The following BTN2A1 variants were observed in gnomAD, a reference collection of about 807,000 sequenced individuals.
BTN2A1 encodes the protein butyrophilin, subfamily 2, member A1.
In BTN2A1, 41 loss-of-function variants were observed where a neutral mutation model predicts 34.5. The ratio of observed to expected loss-of-function variants is 1.19; its 90% CI spans 0.93 to 1.54. BTN2A1 has a LOEUF of 1.54. BTN2A1 is among the 40% of genes most tolerant of loss of function. The probability of loss-of-function intolerance (pLI) is 0.00; values close to 1 mark genes in which losing one functional copy is unlikely to be tolerated. For missense variants in BTN2A1, 642 were observed against 662.0 expected, an observed-to-expected ratio of 0.97 and a Z score of 0.33; for synonymous variants, 267 against 258.6, an observed-to-expected ratio of 1.03 and a Z score of -0.31.
rs1437477696 is a variant in BTN2A1, at chr6:26,468,153, T to G, written c.1188T>G (p.Ile396Met). 1.2e-5 allele frequency: 19 copies of G among 1,614,026 alleles called. No individual in the cohort carries two copies. Among genetic ancestry groups the G allele is most frequent in the Non-Finnish European group, 1.4e-5 (16 of 1,180,032 alleles). The change falls in exon 8 of 8, where the codon ATT (isoleucine) becomes ATG (methionine). Residue 396 changes from isoleucine (I) to methionine (M), a missense_variant. Physicochemically the swap from Ile to Met is conservative, Grantham distance 10. Coordinates refer to ENST00000312541, the MANE Select transcript of BTN2A1 (RefSeq NM_007049.5). ...HYWEVEVENV[I>M]EWTVGVCRDS... ...GGGAGGTGGAGGTGGAAAACGTGAT[T>G]GAGTGGACTGTGGGGGTCTGTAGAG...
Position 26,463,523 on chromosome 6 carries a change from C to T in BTN2A1, c.710C>T (p.Pro237Leu), listed in dbSNP as rs1349691779. The T allele has an allele frequency of 4.3e-6, 7 of 1,612,812 alleles. No homozygotes were observed. Among genetic ancestry groups the T allele is most frequent in the African/African-American group, 1.3e-5 (1 of 75,004 alleles). The change falls in exon 4 of 8, where the codon CCA becomes CTA. Residue 237 changes from proline (P) to leucine (L), a missense_variant and splice_region_variant. Coordinates refer to ENST00000312541, the MANE Select transcript of BTN2A1 (RefSeq NM_007049.5). ...AAGAAAGAAAGTGTCATTTTTATTC[C>T]AGGTTAGTTCTCTGCCCTCTGAGAC... ...GQKKESVIFI[P>L]ESFMPSVSPC...
chr6:26,465,911 G>C, intron 5 of BTN2A1, 42 bp from the exon 6 acceptor site: 1 of 1,613,900 alleles, frequency 6.2e-7, no homozygotes, highest in Non-Finnish European at 8.5e-7. Flanking sequence ...ACTTCTTTTA[G>C]TTCTTCTGTC....
At chr6:26,460,488 A>C (rs1305835432) in intron 3 of BTN2A1, among the ~76,000 whole-genome samples, 1 of 152,222 alleles carries the variant, frequency 6.6e-6, no homozygotes, top group Non-Finnish European at 1.5e-5. Context: ...AAAGACTACG[A>C]ATTTTGCTGG....
rs923257268 is a variant in BTN2A1 at position 26,468,996 on chromosome 6, T to C, written c.*447T>C. On this transcript the variant is annotated 3_prime_UTR_variant, in exon 8 of 8. Transcript: ENST00000312541. ...ACCAGAGAGGAGAGGGAACCAGATA[T>C]GCAGATCAGAGATAGAGGAAGTGGA... is the stretch of plus-strand genomic sequence containing the variant. 6 of 1,193,308 alleles carry C rather than the reference T, an allele frequency of 5.0e-6. No homozygotes were observed. Among genetic ancestry groups the C allele is most frequent in the African/African-American group, 4.8e-5 (3 of 62,542 alleles). 73.9% of individuals were successfully genotyped at this position (1,193,308 alleles called of 1,614,324 possible). A position where few individuals can be genotyped will look rare whatever the true frequency, so the allele number is the denominator to read the frequency against.
chr6:26,463,956 A>G (rs980273814), intron 4 of BTN2A1, among the ~76,000 whole-genome samples: 1 of 151,950 alleles, frequency 6.6e-6, no homozygotes, highest in African/African-American at 2.4e-5. Flanking sequence ...ACACGCCACC[A>G]CACCCGGCTA....
chr6:26,461,153 A>C (rs1763154330), intron 3 of BTN2A1, among the ~76,000 whole-genome samples: 1 of 152,230 alleles, frequency 6.6e-6, no homozygotes, highest in Non-Finnish European at 1.5e-5. Flanking sequence ...TTGACCCTGC[A>C]TCATGACTGT....
rs770952034 is a variant in BTN2A1, at chr6:26,463,492, G to A, written c.679G>A (p.Gly227Ser). Residue 227 changes from glycine (G) to serine (S), a missense_variant, in exon 4 of 8, where the codon GGC becomes AGC. By Grantham distance (56) the Gly-to-Ser change is moderately conservative (BLOSUM62 0). Transcript: ENST00000312541. ...MSCSINNTLL[G>S]QKKESVIFIP... ...CTGCTCTATCAACAACACCCTGCTCGGCCAGAAGAAAGAAAGTGTCATTTT... is the reference window on the plus strand; with the variant it reads ...CTGCTCTATCAACAACACCCTGCTCAGCCAGAAGAAAGAAAGTGTCATTTT... 3.7e-5 allele frequency: 59 copies of A among 1,613,862 alleles called. No individual in the cohort carries two copies. The East Asian group carries it at 1.1e-3, about 29-fold the overall frequency.
Position 26,468,625 on chromosome 6 carries a change from G to A in BTN2A1, c.*76G>A. 1.2e-6 allele frequency: 2 copies of A among 1,614,118 alleles called. No individual in the cohort carries two copies. The highest frequency in any genetic ancestry group is 1.3e-5 in the African/African-American group (1 of 75,040). On this transcript the variant is annotated 3_prime_UTR_variant, in exon 8 of 8. Transcript: ENST00000312541. The stretch of plus-strand genomic sequence containing the variant: ...CAGCCACCGCACAACACCCCTGGTG[G>A]AAGACACGCCCTCCTCCCCTCTGGT...
Position 26,459,787 on chromosome 6 carries a change from G to A in BTN2A1, c.389G>A (p.Gly130Asp), listed in dbSNP as rs369033188. ...ACCTACCGCTGTTACTTCCAAGAAG[G>A]CAGGTCCTACGATGAGGCCATCCTG... ...NGTYRCYFQE[G>D]RSYDEAILHL... The change falls in exon 3 of 8, where the codon GGC becomes GAC. Residue 130 changes from glycine (G) to aspartate (D), a missense_variant. Transcript: ENST00000312541. 1.7e-5 allele frequency: 27 copies of A among 1,613,954 alleles called. No individual in the cohort carries two copies. The African/African-American group carries it at 2.7e-4, about 16-fold the overall frequency.
Position 26,465,218 on chromosome 6 carries a change from T to G in BTN2A1, c.746T>G (p.Val249Gly), listed in dbSNP as rs1321110109. ...SFMPSVSPCA[V>G]ALPIIVVILM... ...ATGCCCAGTGTGTCTCCCTGTGCAG[T>G]GGCCCTGCCTATCATTGTGGTTATT... Residue 249 changes from valine (V) to glycine (G), a missense_variant, in exon 5 of 8, where the codon GTG becomes GGG. Coordinates refer to ENST00000312541, the MANE Select transcript of BTN2A1 (RefSeq NM_007049.5). 6.2e-7 allele frequency: 1 copy of G among 1,614,210 alleles called. No individual in the cohort carries two copies. Among genetic ancestry groups the G allele is most frequent in the South Asian group, 1.1e-5 (1 of 91,086 alleles).
intron 3 of BTN2A1, 108 bp downstream of exon 3, chr6:26,459,936 C>G: frequency 8.2e-6 from 2 of 243,158 alleles, no homozygotes; most frequent in South Asian, 6.9e-5. Context: ...GTCTGGACTC[C>G]CTTTTCCACT....
intron 7 of BTN2A1, among the ~76,000 whole-genome samples, chr6:26,467,216 G>A (rs1763338925): frequency 6.6e-6 from 1 of 152,176 alleles, no homozygotes; most frequent in African/African-American, 2.4e-5. Context: ...CCGGGGAGAG[G>A]AGGAGCAGGA....
At chr6:26,473,575 CCAAAA>C (rs1763486175), downstream of BTN2A1, among the ~76,000 whole-genome samples, 1 of 152,020 alleles carries the variant, frequency 6.6e-6, no homozygotes, top group African/African-American at 2.4e-5. Context: ...ATGATAATAT[CCAAAA>C]CAAAAGATGA....
intron 7 of BTN2A1, 141 bp from the exon 8 acceptor site, chr6:26,467,807 C>T: frequency 6.4e-7 from 1 of 1,561,260 alleles, no homozygotes; most frequent in South Asian, 1.2e-5. Flanking sequence ...TGTGAGCTGC[C>T]TAGGATCAGA....
chr6:26,465,134 C>G, intron 4 of BTN2A1, 51 bp from the exon 5 acceptor site: 1 of 1,525,134 alleles, frequency 6.6e-7, no homozygotes, highest in Non-Finnish European at 9.1e-7. Flanking sequence ...GGCACTCTTA[C>G]CCCAGATGTT....
chr6:26,472,974 C>A (rs527353917), downstream of BTN2A1, among the ~76,000 whole-genome samples: 1 of 152,058 alleles, frequency 6.6e-6, no homozygotes, highest in East Asian at 1.9e-4. Flanking sequence ...TCAAAGATGG[C>A]CACAACAGTG....
chr6:26,463,235 T>C lies in BTN2A1; in HGVS notation c.431-9T>C, dbSNP rs1287753426. On this transcript the variant is annotated splice_polypyrimidine_tract_variant and intron_variant, in intron 3 of 7. Transcript: ENST00000312541. ...TGACTTTTGCCTGAACCCTGATATC[T>C]CTCCACAGGACTAGGCTCTAAGCCC... 1 of 1,562,998 alleles carries C rather than the reference T, an allele frequency of 6.4e-7. No individual in the cohort carries two copies. Among genetic ancestry groups the C allele is most frequent in the Non-Finnish European group, 8.6e-7 (1 of 1,157,146 alleles).
intron 5 of BTN2A1, 120 bp downstream of exon 5, chr6:26,465,526 GTTTAA>G: frequency 1.1e-6 from 1 of 887,882 alleles, no homozygotes; most frequent in Non-Finnish European, 1.7e-6. Flanking sequence ...GTGAGACCCT[GTTTAA>G]TTAAAAAAAA....
downstream of BTN2A1, among the ~76,000 whole-genome samples, chr6:26,473,785 A>T (rs903357791): frequency 6.6e-6 from 1 of 152,250 alleles, no homozygotes; most frequent in African/African-American, 2.4e-5. Context: ...CACATTAATG[A>T]TTCAAATATG....
Sources: gnomAD v4.1 joint callset for allele counts (sites outside exome capture counted in the v4.1 genomes callset) on GRCh38, gnomAD v4.1.1 for gene constraint, MANE v1.5 for transcripts, NCBI Gene and HGNC (gene_info 2026-07-23, HGNC 2026-07-21) for gene names.